STT3B: variants seen among roughly 807,000 people sequenced by gnomAD.
STT3B encodes the protein dolichyl-diphosphooligosaccharide--protein glycosyltransferase subunit STT3B.
STT3B carries 29 observed loss-of-function variants against 96.8 expected under a neutral mutation model. That is an observed-to-expected ratio of 0.30 (90% CI 0.22 to 0.41). The LOEUF (loss-of-function observed/expected upper bound fraction) is 0.41. Among genes scored for constraint, STT3B ranks in the 10% least tolerant of loss-of-function variants. The pLI is 1.00. For missense variants in STT3B, 640 were observed against 1,022.3 expected, an observed-to-expected ratio of 0.63 and a Z score of 5.10; for synonymous variants, 367 against 360.0, an observed-to-expected ratio of 1.02 and a Z score of -0.22.
chr3:31,579,217 C>T (rs1017967010), intron 2 of STT3B, among the ~76,000 whole-genome samples: 3 of 151,830 alleles, frequency 2.0e-5, no homozygotes, highest in African/African-American at 7.3e-5. Flanking sequence ...TCAGGAGTCC[C>T]AAAACATTAT....
At chr3:31,582,163 GTTC>G (rs1234315851) in intron 3 of STT3B, among the ~76,000 whole-genome samples, 1 of 151,754 alleles carries the variant, frequency 6.6e-6, no homozygotes, top group Non-Finnish European at 1.5e-5. Flanking sequence ...TTTTTTCTGT[GTTC>G]TTTTTCTTTT....
intron 1 of STT3B, among the ~76,000 whole-genome samples, chr3:31,535,425 A>G (rs1290095807): frequency 6.6e-6 from 1 of 151,802 alleles, no homozygotes; most frequent in African/African-American, 2.4e-5. Context: ...TTTTTCATGC[A>G]CATGAAAATA....
At chr3:31,605,469 G>GA (rs1484076990) in intron 5 of STT3B, among the ~76,000 whole-genome samples, 1 of 150,750 alleles carries the variant, frequency 6.6e-6, no homozygotes, top group Non-Finnish European at 1.5e-5. Context: ...ATTGAATCAT[G>GA]GGGGTGGTTT....
chr3:31,563,931 G>A (rs1394732471), intron 1 of STT3B, among the ~76,000 whole-genome samples: 2 of 151,976 alleles, frequency 1.3e-5, no homozygotes, highest in South Asian at 2.1e-4. Context: ...TCAGCCTCCC[G>A]AGTAGCTGAC....
At chr3:31,552,880 G>T (rs1697599194) in intron 1 of STT3B, among the ~76,000 whole-genome samples, 1 of 152,028 alleles carries the variant, frequency 6.6e-6, no homozygotes, top group South Asian at 2.1e-4. Flanking sequence ...GAGACGGGCG[G>T]ATCACGAGGT....
In STT3B at chr3:31,617,170, A is replaced by T. The variant is rs193249541; in HGVS notation, c.1123+95A>T. Reference sequence around the variant, plus strand: ...CTAAAATCTGAATAACAGCATGACTACAAAGTGATTTTTTTCTTTTTTTTT... The same window carrying T: ...CTAAAATCTGAATAACAGCATGACTTCAAAGTGATTTTTTTCTTTTTTTTT... On this transcript the variant is annotated intron_variant, in intron 7 of 15. Coordinates refer to ENST00000295770, the MANE Select transcript of STT3B (RefSeq NM_178862.3). 17 of 990,042 alleles carry T rather than the reference A, an allele frequency of 1.7e-5. No homozygotes were observed. In the East Asian group the frequency reaches 4.2e-4, roughly 24 times the overall value. 61.3% of individuals were successfully genotyped at this position (990,042 alleles called of 1,614,324 possible).
chr3:31,630,795 G>GT (rs11328286), intron 14 of STT3B, among the ~76,000 whole-genome samples: 5 of 150,642 alleles, frequency 3.3e-5, no homozygotes, highest in African/African-American at 7.3e-5. Context: ...TTTTTGTGGT[G>GT]TTTTTTTTGT....
chr3:31,576,271 A>G, intron 1 of STT3B, 125 bp from the exon 2 acceptor site: 1 of 519,568 alleles, frequency 1.9e-6, no homozygotes, highest in Non-Finnish European at 3.3e-6. Flanking sequence ...TCTTCAGATT[A>G]TGTTATATAA....
At chr3:31,596,544 T>C (rs1172136024) in intron 3 of STT3B, among the ~76,000 whole-genome samples, 1 of 152,142 alleles carries the variant, frequency 6.6e-6, no homozygotes, top group Non-Finnish European at 1.5e-5. Flanking sequence ...AAAATGTAAT[T>C]TGTTATTTAA....
chr3:31,609,761 A>C (rs1699140981), intron 5 of STT3B, among the ~76,000 whole-genome samples: 1 of 151,816 alleles, frequency 6.6e-6, no homozygotes, highest in Non-Finnish European at 1.5e-5. Flanking sequence ...CACCTGGCTA[A>C]TTTTTGTATT....
At chr3:31,622,067 A>G (rs375438745) in intron 9 of STT3B, 30 bp from the exon 10 acceptor site, 5 of 1,590,016 alleles carry the variant, frequency 3.1e-6, no homozygotes, top group Non-Finnish European at 4.3e-6. Context: ...TTTTCCCTCC[A>G]ACATATTGTA....
At chr3:31,588,303 T>C (rs1048597709) in intron 3 of STT3B, among the ~76,000 whole-genome samples, 2 of 152,108 alleles carry the variant, frequency 1.3e-5, no homozygotes, top group South Asian at 2.1e-4. Flanking sequence ...ATATAGGTAA[T>C]AGAATTGAGT....
intron 5 of STT3B, among the ~76,000 whole-genome samples, chr3:31,602,656 T>C (rs531108283): frequency 3.6e-5 from 5 of 137,884 alleles, no homozygotes; most frequent in African/African-American, 1.5e-4. Flanking sequence ...ATTTGGTAGC[T>C]GGGATTTTTT....
At chr3:31,566,385 C>G (rs1043191032) in intron 1 of STT3B, among the ~76,000 whole-genome samples, 6 of 152,096 alleles carry the variant, frequency 3.9e-5, no homozygotes, top group East Asian at 1.9e-4. Flanking sequence ...GTGCCTTAGT[C>G]TAATCATATG....
intron 3 of STT3B, among the ~76,000 whole-genome samples, chr3:31,586,366 C>G (rs1698535028): frequency 6.6e-6 from 1 of 151,912 alleles, no homozygotes; most frequent in Non-Finnish European, 1.5e-5. Context: ...AACATTTTCT[C>G]TAGTCTCTTC....
chr3:31,571,082 G>T (rs1452635244), intron 1 of STT3B, among the ~76,000 whole-genome samples: 1 of 152,060 alleles, frequency 6.6e-6, no homozygotes, highest in East Asian at 1.9e-4. Flanking sequence ...CCTAATGTTT[G>T]GTCAAGAGGA....
At chr3:31,627,435 A>G (rs980896285) in intron 13 of STT3B, among the ~76,000 whole-genome samples, 2 of 152,190 alleles carry the variant, frequency 1.3e-5, no homozygotes, top group Non-Finnish European at 2.9e-5. Context: ...TCTGGTGCCA[A>G]AAAGGTTGGG....
At chr3:31,585,118 G>T (rs561341914) in intron 3 of STT3B, among the ~76,000 whole-genome samples, 1 of 152,020 alleles carries the variant, frequency 6.6e-6, no homozygotes, top group African/African-American at 2.4e-5. Context: ...TAAGTACTTT[G>T]TCATAGCATT....
intron 1 of STT3B, among the ~76,000 whole-genome samples, chr3:31,565,796 C>T (rs1339655430): frequency 6.6e-6 from 1 of 151,974 alleles, no homozygotes; most frequent in Non-Finnish European, 1.5e-5. Flanking sequence ...TAAGACATAC[C>T]TATACCAAAG....
Sources: gnomAD v4.1 joint callset for allele counts (sites outside exome capture counted in the v4.1 genomes callset) on GRCh38, gnomAD v4.1.1 for gene constraint, MANE v1.5 for transcripts, NCBI Gene and HGNC (gene_info 2026-07-23, HGNC 2026-07-21) for gene names.